The following MAN1A2 variants were observed in gnomAD, a reference collection of about 807,000 sequenced individuals.
MAN1A2 encodes the protein mannosidase alpha class 1A member 2.
Under a neutral mutation model 75.7 loss-of-function variants are expected in MAN1A2, and 26 were observed. The observed-to-expected ratio is 0.34, with a 90% CI of 0.25 to 0.48. The LOEUF (loss-of-function observed/expected upper bound fraction) is 0.48. Ranked by LOEUF, MAN1A2 falls within the 20% of genes least tolerant of loss-of-function variation. The pLI, the probability that MAN1A2 is intolerant of heterozygous loss-of-function variation, is 0.99. For missense variants in MAN1A2, 562 were observed against 775.5 expected, an observed-to-expected ratio of 0.72 and a Z score of 3.27; for synonymous variants, 247 against 264.6, an observed-to-expected ratio of 0.93 and a Z score of 0.65.
At chr1:117,496,406 G>A (rs1651037487) in intron 9 of MAN1A2, among the ~76,000 whole-genome samples, 1 of 151,976 alleles carries the variant, frequency 6.6e-6, no homozygotes, top group African/African-American at 2.4e-5. Context: ...GTATGTTCCA[G>A]TAGGGTAGAC....
intron 8 of MAN1A2, among the ~76,000 whole-genome samples, chr1:117,479,815 A>C (rs930421740): frequency 6.6e-6 from 1 of 151,718 alleles, no homozygotes. Flanking sequence ...ATTTTTGACT[A>C]GATTCTATGT....
chr1:117,445,876 G>GTATA (rs1649213954), intron 6 of MAN1A2, among the ~76,000 whole-genome samples: 1 of 97,410 alleles, frequency 1.0e-5, no homozygotes, highest in Non-Finnish European at 2.2e-5. Context: ...GTGTGTGTCT[G>GTATA]TGTGTGTGTA....
At chr1:117,427,056 G>A (rs1312115892) in intron 5 of MAN1A2, among the ~76,000 whole-genome samples, 4 of 152,018 alleles carry the variant, frequency 2.6e-5, no homozygotes, top group Non-Finnish European at 2.9e-5. Flanking sequence ...GCACTTCTCA[G>A]AAGATATAAC....
chr1:117,380,656 T>C (rs1317876555), intron 1 of MAN1A2, among the ~76,000 whole-genome samples: 1 of 152,212 alleles, frequency 6.6e-6, no homozygotes, highest in Non-Finnish European at 1.5e-5. Flanking sequence ...ATTGGCACTC[T>C]TACTGAAAAT....
chr1:117,482,325 C>T (rs980600669), intron 8 of MAN1A2, among the ~76,000 whole-genome samples: 1 of 151,974 alleles, frequency 6.6e-6, no homozygotes, highest in African/African-American at 2.4e-5. Context: ...CTAATTTACA[C>T]TCCCACCAAC....
intron 8 of MAN1A2, among the ~76,000 whole-genome samples, chr1:117,467,511 A>G (rs1486924510): frequency 6.6e-6 from 1 of 152,094 alleles, no homozygotes; most frequent in Non-Finnish European, 1.5e-5. Flanking sequence ...ATAGATCTCA[A>G]TCTTCTTTGA....
At chr1:117,439,995 T>C (rs1373780892) in intron 5 of MAN1A2, among the ~76,000 whole-genome samples, 2 of 152,218 alleles carry the variant, frequency 1.3e-5, no homozygotes, top group African/African-American at 4.8e-5. Flanking sequence ...AGCCATATAC[T>C]GTAGAAACAA....
At chr1:117,397,376 A>T (rs1278608578) in intron 1 of MAN1A2, among the ~76,000 whole-genome samples, 1 of 152,140 alleles carries the variant, frequency 6.6e-6, no homozygotes, top group East Asian at 1.9e-4. Flanking sequence ...TTTAGAGCAA[A>T]CATTTAGAGG....
intron 4 of MAN1A2, among the ~76,000 whole-genome samples, chr1:117,419,358 C>G (rs1648113838): frequency 6.6e-6 from 1 of 151,944 alleles, no homozygotes. Flanking sequence ...GGAGGCCCTC[C>G]CACCCTTTTT....
chr1:117,466,295 T>A (rs769792056), intron 7 of MAN1A2, 39 bp from the exon 8 acceptor site: 2 of 1,350,994 alleles, frequency 1.5e-6, no homozygotes, highest in Non-Finnish European at 2.1e-6. Flanking sequence ...TGATGACACT[T>A]ATTTTTATTA....
chr1:117,497,635 T>A (rs767339108), intron 10 of MAN1A2, among the ~76,000 whole-genome samples: 6 of 151,888 alleles, frequency 4.0e-5, no homozygotes, highest in Non-Finnish European at 8.8e-5. Flanking sequence ...GATATACATA[T>A]AGTCATAAAT....
chr1:117,430,054 G>A (rs1323439051), intron 5 of MAN1A2, among the ~76,000 whole-genome samples: 5 of 34,078 alleles, frequency 1.5e-4, no homozygotes, highest in Admixed American at 2.0e-4. Flanking sequence ...CCTCCCTCCC[G>A]GACGGGGCGG....
intron 1 of MAN1A2, among the ~76,000 whole-genome samples, chr1:117,380,597 T>G (rs1170668952): frequency 6.6e-6 from 1 of 152,218 alleles, no homozygotes; most frequent in Non-Finnish European, 1.5e-5. Context: ...GATATCTGTT[T>G]GTCCCAGCAC....
intron 12 of MAN1A2, among the ~76,000 whole-genome samples, chr1:117,510,549 G>A (rs1047394793): frequency 2.6e-5 from 4 of 152,032 alleles, no homozygotes; most frequent in African/African-American, 9.7e-5. Context: ...TGGAATGACA[G>A]TTTCAGTGTT....
chr1:117,455,033 G>A (rs1372187048), intron 6 of MAN1A2, among the ~76,000 whole-genome samples: 1 of 152,096 alleles, frequency 6.6e-6, no homozygotes, highest in African/African-American at 2.4e-5. Flanking sequence ...GAAAAGGCAA[G>A]ATAGTAAACT....
Position 117,499,604 on chromosome 1 carries a change from C to T in MAN1A2, c.1677+50C>T, listed in dbSNP as rs2101879640. On this transcript the variant is annotated intron_variant, in intron 11 of 12. Coordinates refer to ENST00000356554, the MANE Select transcript of MAN1A2 (RefSeq NM_006699.5). ...ATCTGCAAGAGTGTTAACTCATGCC[C>T]TCCTATGATGCCACATACCCTCACC... 2.8e-6 allele frequency: 4 copies of T among 1,442,196 alleles called. No homozygotes were observed. The East Asian group carries it at 9.8e-5, about 35-fold the overall frequency. 89.3% of individuals were successfully genotyped at this position (1,442,196 alleles called of 1,614,324 possible).
chr1:117,393,387 A>G (rs563066805), intron 1 of MAN1A2, among the ~76,000 whole-genome samples: 1 of 152,142 alleles, frequency 6.6e-6, no homozygotes, highest in South Asian at 2.1e-4. Context: ...TATTTTCTGT[A>G]TCAGTTGCTG....
intron 3 of MAN1A2, among the ~76,000 whole-genome samples, chr1:117,409,484 G>T (rs1442326968): frequency 1.3e-5 from 2 of 151,996 alleles, no homozygotes; most frequent in African/African-American, 2.4e-5. Flanking sequence ...TTAGACACAG[G>T]TTTGTCTTGG....
intron 8 of MAN1A2, among the ~76,000 whole-genome samples, chr1:117,466,899 G>C (rs1479239661): frequency 6.6e-6 from 1 of 152,194 alleles, no homozygotes; most frequent in East Asian, 1.9e-4. Flanking sequence ...GTTCTTAGAA[G>C]AGATTGAGAT....
Sources: gnomAD v4.1 joint callset for allele counts (sites outside exome capture counted in the v4.1 genomes callset) on GRCh38, gnomAD v4.1.1 for gene constraint, MANE v1.5 for transcripts, NCBI Gene and HGNC (gene_info 2026-07-23, HGNC 2026-07-21) for gene names.